ZDHHC15: variants seen among roughly 807,000 people sequenced by gnomAD.
ZDHHC15 encodes the protein palmitoyltransferase ZDHHC15.
Under a neutral mutation model 31.7 loss-of-function variants are expected in ZDHHC15, and 19 were observed. That is an observed-to-expected ratio of 0.60 (90% CI 0.42 to 0.88). The LOEUF is 0.88. Ranked by LOEUF, ZDHHC15 falls within the 40% of genes least tolerant of loss-of-function variation. ZDHHC15 has a pLI of 0.00. For synonymous variants in ZDHHC15, 103 were observed against 90.0 expected, an observed-to-expected ratio of 1.14 and a Z score of -0.82; for missense variants, 209 against 251.2, an observed-to-expected ratio of 0.83 and a Z score of 1.14.
intron 2 of ZDHHC15, among the ~76,000 whole-genome samples, chrX:75,499,616 C>A (rs759980964): frequency 5.4e-5 from 6 of 111,067 alleles, no homozygotes; most frequent in Non-Finnish European, 1.1e-4. Context: ...ATTTAAAAAT[C>A]AAAAAACAAT....
intron 11 of ZDHHC15, among the ~76,000 whole-genome samples, chrX:75,376,520 T>A (rs755907190): frequency 2.7e-5 from 3 of 111,445 alleles, no homozygotes; most frequent in Non-Finnish European, 5.6e-5. Flanking sequence ...GCTTCTAGGA[T>A]TTTTATAGTT....
chrX:75,379,787 TAA>T (rs1446849426), intron 10 of ZDHHC15, among the ~76,000 whole-genome samples: 1 of 112,114 alleles, frequency 8.9e-6, no homozygotes, highest in African/African-American at 3.2e-5. Context: ...ATTTTGAGAT[TAA>T]AAAGTTGACA....
chrX:75,460,832 A>C (rs1458443369), intron 3 of ZDHHC15, among the ~76,000 whole-genome samples: 1 of 112,153 alleles, frequency 8.9e-6, no homozygotes, highest in Non-Finnish European at 1.9e-5. Context: ...CAAATATGAG[A>C]AATAATCAAC....
Position 75,500,952 on chromosome X carries a change from A to G in ZDHHC15, c.163+4869T>C, listed in dbSNP as rs1198044079. 2.7e-5 allele frequency among the ~76,000 whole-genome samples: 3 copies of G among 110,576 alleles called. No homozygotes were observed. The East Asian group carries it at 8.5e-4, about 31-fold the overall frequency. ...TAATTGAGAATCTGACACAAAGCAGATCTTTCTTTTATTTTTAAAGTTTTA... is the reference window on the plus strand; with the variant it reads ...TAATTGAGAATCTGACACAAAGCAGGTCTTTCTTTTATTTTTAAAGTTTTA... On this transcript the variant is annotated intron_variant, in intron 2 of 11. Transcript: ENST00000373367.
chrX:75,511,815 C>T (rs2085279512), intron 1 of ZDHHC15, among the ~76,000 whole-genome samples: 1 of 59,957 alleles, frequency 1.7e-5, no homozygotes, highest in African/African-American at 6.6e-5. Flanking sequence ...GATACCAAAG[C>T]CGGGCAGAGA....
At chrX:75,480,886 T>C (rs1225497476) in intron 2 of ZDHHC15, among the ~76,000 whole-genome samples, 2 of 111,697 alleles carry the variant, frequency 1.8e-5, no homozygotes, top group Non-Finnish European at 3.8e-5. Context: ...AAAAAGCATG[T>C]CTTTTTGTAG....
At chrX:75,483,844 C>T (rs764325849) in intron 2 of ZDHHC15, among the ~76,000 whole-genome samples, 2 of 111,392 alleles carry the variant, frequency 1.8e-5, no homozygotes, top group South Asian at 7.7e-4. Context: ...CCCACCCACA[C>T]ACACACAAAG....
chrX:75,465,033 C>A (rs1694145336), intron 3 of ZDHHC15, among the ~76,000 whole-genome samples: 1 of 112,128 alleles, frequency 8.9e-6, no homozygotes. Flanking sequence ...TTGCACATGA[C>A]ATGATCCTAT....
At chrX:75,473,178 G>C (rs2147963580) in intron 3 of ZDHHC15, among the ~76,000 whole-genome samples, 1 of 112,027 alleles carries the variant, frequency 8.9e-6, no homozygotes, top group East Asian at 2.8e-4. Flanking sequence ...TCCCGAAGCA[G>C]CTGGATTGAT....
At chrX:75,504,493 T>G (rs1397278505) in intron 2 of ZDHHC15, among the ~76,000 whole-genome samples, 1 of 111,257 alleles carries the variant, frequency 9.0e-6, no homozygotes. Context: ...CTAATGTTCA[T>G]CTCATTCCTA....
intron 10 of ZDHHC15, among the ~76,000 whole-genome samples, chrX:75,387,630 A>G (rs1180138274): frequency 8.9e-6 from 1 of 111,966 alleles, no homozygotes; most frequent in Non-Finnish European, 1.9e-5. Flanking sequence ...AAAAGAATGA[A>G]AAGGAAAAGA....
chrX:75,442,070 A>G (rs753077936), intron 4 of ZDHHC15, among the ~76,000 whole-genome samples: 1 of 112,282 alleles, frequency 8.9e-6, no homozygotes, highest in East Asian at 2.8e-4. Flanking sequence ...TTTATGTGTG[A>G]ACTTGACTGA....
At chrX:75,457,806 T>C (rs2084248252) in intron 3 of ZDHHC15, among the ~76,000 whole-genome samples, 1 of 111,320 alleles carries the variant, frequency 9.0e-6, no homozygotes, top group Non-Finnish European at 1.9e-5. Flanking sequence ...TAACAAACAA[T>C]ACAAAAACTA....
At chrX:75,501,926 T>C (rs2085093618) in intron 2 of ZDHHC15, 1 of 112,035 alleles carries the variant, frequency 8.9e-6, no homozygotes, top group African/African-American at 3.2e-5. Flanking sequence ...ACTCTGTTGA[T>C]AGTTTCTTTT....
At chrX:75,435,559 G>A (rs1413547078) in intron 4 of ZDHHC15, among the ~76,000 whole-genome samples, 1 of 111,758 alleles carries the variant, frequency 8.9e-6, no homozygotes, top group Admixed American at 9.5e-5. Flanking sequence ...AAGGGATGCT[G>A]GATTTTGTCA....
At chrX:75,493,731 A>G (rs1390692430) in intron 2 of ZDHHC15, among the ~76,000 whole-genome samples, 2 of 112,389 alleles carry the variant, frequency 1.8e-5, no homozygotes, top group Non-Finnish European at 3.8e-5. Context: ...AAAATTCAAC[A>G]GCCCTTCATG....
chrX:75,446,822 G>T lies in ZDHHC15; in HGVS notation c.379+3980C>A, dbSNP rs187727026. Among the ~76,000 whole-genome samples, 25 of 111,404 alleles carry T rather than the reference G, an allele frequency of 2.2e-4. No homozygotes were observed. In the East Asian group the frequency reaches 6.0e-3, roughly 27 times the overall value. ...AAGGGCACTAATCACATTCATGAGG[G>T]TTCTACACTTATGACTTAACCATGT... is the stretch of plus-strand genomic sequence containing the variant. On this transcript the variant is annotated intron_variant, in intron 4 of 11. Coordinates refer to ENST00000373367, the MANE Select transcript of ZDHHC15 (RefSeq NM_144969.3).
chrX:75,503,827 T>A (rs1602747543), intron 2 of ZDHHC15, among the ~76,000 whole-genome samples: 1 of 111,429 alleles, frequency 9.0e-6, no homozygotes, highest in African/African-American at 3.2e-5. Context: ...AAGTCTGAAA[T>A]CAAGGTGTAG....
At chrX:75,485,580 G>A (rs1488822307) in intron 2 of ZDHHC15, among the ~76,000 whole-genome samples, 2 of 111,231 alleles carry the variant, frequency 1.8e-5, no homozygotes, top group Non-Finnish European at 3.8e-5. Flanking sequence ...GGCATGTTGG[G>A]AAAGGCAAAG....
Sources: gnomAD v4.1 joint callset for allele counts (sites outside exome capture counted in the v4.1 genomes callset) on GRCh38, gnomAD v4.1.1 for gene constraint, MANE v1.5 for transcripts, NCBI Gene and HGNC (gene_info 2026-07-23, HGNC 2026-07-21) for gene names.